The following HORMAD2 variants were observed in gnomAD, a reference collection of about 807,000 sequenced individuals.
The protein encoded by HORMAD2 is HORMA domain-containing protein 2.
A neutral mutation model predicts 38.8 loss-of-function variants in HORMAD2; 45 were observed. The observed-to-expected ratio is 1.16, with a 90% CI of 0.91 to 1.49. The LOEUF is 1.49. Ranked by LOEUF, HORMAD2 falls within the 40% of genes most tolerant of loss-of-function variation. HORMAD2 has a pLI of 0.00. For missense variants in HORMAD2, 338 were observed against 367.0 expected (o/e 0.92, Z 0.65); for synonymous variants, 126 against 122.8 (o/e 1.03, Z -0.17).
rs962468725 is a variant in HORMAD2 at position 30,119,140 on chromosome 22, A to T, written c.410+93A>T. The stretch of plus-strand genomic sequence containing the variant: ...CCAGAGAAAGGCCTTATACTTCTTT[A>T]CACATTTCCCCACAAACCCTACAGA... On this transcript the variant is annotated intron_variant, in intron 8 of 10. Transcript: ENST00000336726. 3 of 803,522 alleles carry T rather than the reference A, an allele frequency of 3.7e-6. No homozygotes were observed. In the African/African-American group the frequency reaches 5.3e-5, roughly 14 times the overall value. The allele number at this position is 803,522 out of a possible 1,614,324, so 49.8% of individuals were successfully genotyped here.
At chr22:30,175,494 G>C (rs188085200) in intron 10 of HORMAD2, among the ~76,000 whole-genome samples, 83 of 151,180 alleles carry the variant, frequency 5.5e-4, no homozygotes, top group African/African-American at 1.9e-3. Context: ...TGTTCACCCA[G>C]TTAAGCAAAA....
chr22:30,150,841 C>T (rs1368103345), intron 10 of HORMAD2, among the ~76,000 whole-genome samples: 1 of 152,128 alleles, frequency 6.6e-6, no homozygotes, highest in Non-Finnish European at 1.5e-5. Flanking sequence ...ATAATCCTGC[C>T]TCAACTGCAC....
At position 30,157,914 on chromosome 22, in the gene HORMAD2, A is replaced by G. The variant is rs1208807683; in HGVS notation, c.820-18149A>G. 2.6e-5 allele frequency among the ~76,000 whole-genome samples: 4 copies of G among 152,212 alleles called. No homozygotes were observed. In the East Asian group the frequency reaches 7.7e-4, roughly 29 times the overall value. ...CACCAAAATTAGGTAATGTTCAACT[A>G]AATACAACCAATTTGTGTTGAATTA... On this transcript the variant is annotated intron_variant, in intron 10 of 10. Coordinates refer to ENST00000336726, the MANE Select transcript of HORMAD2 (RefSeq NM_152510.4).
chr22:30,177,325 ATC>A (rs1926512289), downstream of HORMAD2, among the ~76,000 whole-genome samples: 1 of 152,204 alleles, frequency 6.6e-6, no homozygotes. Context: ...ACTAAAGTGA[ATC>A]TCTGTAGGAA....
chr22:30,088,106 CGTGTACATATACACACACGTACACAT>C (rs1411382136), intron 1 of HORMAD2, among the ~76,000 whole-genome samples: 12 of 128,862 alleles, frequency 9.3e-5, no homozygotes, highest in East Asian at 2.0e-4. Context: ...CACGTACACA[CGTGTACATATACACACACGTACACAT>C]GTGTACATAT....
chr22:30,180,328 G>T (rs976072208), downstream of HORMAD2, among the ~76,000 whole-genome samples: 2 of 152,182 alleles, frequency 1.3e-5, no homozygotes, highest in Non-Finnish European at 2.9e-5. Flanking sequence ...ATTCCTTGGG[G>T]TCTCAGACAC....
chr22:30,205,661 G>A, the HORMAD2 span, among the ~76,000 whole-genome samples: 1 of 152,158 alleles, frequency 6.6e-6, no homozygotes, highest in Non-Finnish European at 1.5e-5. Context: ...CGAAAGTACT[G>A]TATTTCCCCC....
At chr22:30,152,056 C>T (rs1196986037) in intron 10 of HORMAD2, among the ~76,000 whole-genome samples, 2 of 151,972 alleles carry the variant, frequency 1.3e-5, no homozygotes, top group African/African-American at 4.8e-5. Context: ...TTGCTGTACC[C>T]CCCTTACCAG....
At chr22:30,083,885 GT>G (rs2068526585) in intron 1 of HORMAD2, among the ~76,000 whole-genome samples, 1 of 152,126 alleles carries the variant, frequency 6.6e-6, no homozygotes, top group Non-Finnish European at 1.5e-5. Flanking sequence ...ACCCTCCCAT[GT>G]TTAGAAATAA....
At chr22:30,194,798 A>C in the HORMAD2 span, among the ~76,000 whole-genome samples, 1 of 152,174 alleles carries the variant, frequency 6.6e-6, no homozygotes, top group Non-Finnish European at 1.5e-5. Context: ...ATCTGCTAGG[A>C]ACATTGCTTT....
intron 7 of HORMAD2, among the ~76,000 whole-genome samples, chr22:30,116,826 A>G (rs1359066002): frequency 2.0e-5 from 3 of 152,226 alleles, no homozygotes; most frequent in African/African-American, 7.2e-5. Context: ...ACAAAAGATC[A>G]CTCAGAGCAT....
At chr22:30,086,573 G>C (rs545567740) in intron 1 of HORMAD2, among the ~76,000 whole-genome samples, 1 of 152,284 alleles carries the variant, frequency 6.6e-6, no homozygotes, top group African/African-American at 2.4e-5. Flanking sequence ...TGAGAGTAGT[G>C]GGGAGCCATT....
intron 10 of HORMAD2, among the ~76,000 whole-genome samples, chr22:30,123,622 A>G (rs1922614747): frequency 6.6e-6 from 1 of 151,468 alleles, no homozygotes; most frequent in African/African-American, 2.4e-5. Context: ...GGTATGAGAC[A>G]CCACACTGGG....
At chr22:30,126,477 C>T (rs1320967435) in intron 10 of HORMAD2, among the ~76,000 whole-genome samples, 1 of 152,006 alleles carries the variant, frequency 6.6e-6, no homozygotes, top group Non-Finnish European at 1.5e-5. Context: ...GAGTATGGAC[C>T]ATTTTTTCAG....
At chr22:30,114,336 T>G (rs1322429303) in intron 7 of HORMAD2, among the ~76,000 whole-genome samples, 1 of 152,206 alleles carries the variant, frequency 6.6e-6, no homozygotes, top group African/African-American at 2.4e-5. Context: ...TGGGTAATAC[T>G]AAAACACTCA....
chr22:30,175,066 T>G (rs1235642608), intron 10 of HORMAD2, among the ~76,000 whole-genome samples: 1 of 151,508 alleles, frequency 6.6e-6, no homozygotes. Context: ...TGTTCCTAAA[T>G]GACACTTAAA....
the HORMAD2 span, among the ~76,000 whole-genome samples, chr22:30,194,068 T>C: frequency 6.6e-6 from 1 of 152,116 alleles, no homozygotes; most frequent in East Asian, 1.9e-4. Flanking sequence ...TCATCATCAC[T>C]CAACTCTCAA....
intron 10 of HORMAD2, among the ~76,000 whole-genome samples, chr22:30,123,454 G>A (rs1165452754): frequency 1.3e-5 from 2 of 151,926 alleles, no homozygotes; most frequent in South Asian, 2.1e-4. Context: ...TCAGCCTCTC[G>A]AGTAGCTGGG....
chr22:30,087,018 C>T (rs766369346), intron 1 of HORMAD2, among the ~76,000 whole-genome samples: 14 of 152,004 alleles, frequency 9.2e-5, no homozygotes, highest in East Asian at 7.7e-4. Context: ...TGTGCCACCA[C>T]GCCCAGCTAA....
Sources: gnomAD v4.1 joint callset for allele counts (sites outside exome capture counted in the v4.1 genomes callset) on GRCh38, gnomAD v4.1.1 for gene constraint, MANE v1.5 for transcripts, NCBI Gene and HGNC (gene_info 2026-07-23, HGNC 2026-07-21) for gene names.